TBC1D5: variants seen among roughly 807,000 people sequenced by gnomAD.
The protein encoded by TBC1D5 is TBC1 domain family member 5.
A neutral mutation model predicts 100.3 loss-of-function variants in TBC1D5; 75 were observed. That is an observed-to-expected ratio of 0.75 (90% CI 0.62 to 0.91). The LOEUF (loss-of-function observed/expected upper bound fraction) is 0.91, where lower values mean the gene tolerates loss of function less well. Ranked by LOEUF, TBC1D5 falls within the 40% of genes least tolerant of loss-of-function variation. TBC1D5 has a pLI of 0.00. For missense variants in TBC1D5, 910 were observed against 942.4 expected (o/e 0.97, Z 0.45); for synonymous variants, 323 against 325.6 (o/e 0.99, Z 0.09).
chr3:17,257,061 G>A (rs2077772443), intron 16 of TBC1D5, among the ~76,000 whole-genome samples: 1 of 152,066 alleles, frequency 6.6e-6, no homozygotes, highest in Admixed American at 6.6e-5. Flanking sequence ...AGGGCTTCAG[G>A]AAGAAGACTG....
chr3:17,696,883 T>G (rs1184788135), intron 1 of TBC1D5, among the ~76,000 whole-genome samples: 6 of 152,052 alleles, frequency 3.9e-5, no homozygotes, highest in African/African-American at 4.8e-5. Flanking sequence ...GAATCCAGCA[T>G]CACATCAAAA....
intron 1 of TBC1D5, among the ~76,000 whole-genome samples, chr3:17,693,307 T>C (rs1214129881): frequency 6.6e-6 from 1 of 151,926 alleles, no homozygotes; most frequent in African/African-American, 2.4e-5. Context: ...GTGCAAGGGG[T>C]CAGGGATTTC....
chr3:17,612,629 T>C (rs1577017054), intron 2 of TBC1D5, among the ~76,000 whole-genome samples: 1 of 150,854 alleles, frequency 6.6e-6, no homozygotes, highest in Non-Finnish European at 1.5e-5. Flanking sequence ...ATACTCTATC[T>C]CAAAAAAAAT....
At chr3:17,324,559 G>C (rs1262548187) in intron 13 of TBC1D5, among the ~76,000 whole-genome samples, 1 of 152,074 alleles carries the variant, frequency 6.6e-6, no homozygotes, top group Non-Finnish European at 1.5e-5. Flanking sequence ...CAGAAGAATT[G>C]CTTGAACCCA....
chr3:17,527,840 C>T (rs987273516), intron 2 of TBC1D5, among the ~76,000 whole-genome samples: 6 of 152,096 alleles, frequency 3.9e-5, no homozygotes, highest in African/African-American at 9.7e-5. Flanking sequence ...AACATCTGCA[C>T]AAAATAAGCA....
chr3:17,677,897 C>G (rs2068859022), intron 1 of TBC1D5, among the ~76,000 whole-genome samples: 2 of 151,838 alleles, frequency 1.3e-5, no homozygotes, highest in Non-Finnish European at 2.9e-5. Context: ...ATCACAAGGT[C>G]AAAAAAACCA....
chr3:17,159,412 C>A (rs1013431705), exon 22 of TBC1D5: 4 of 152,202 alleles, frequency 2.6e-5, no homozygotes, highest in African/African-American at 9.7e-5. Flanking sequence ...CTATACTGAG[C>A]TTTCATTTGT....
At chr3:17,389,059 T>C (rs2093267246) in intron 8 of TBC1D5, among the ~76,000 whole-genome samples, 2 of 152,308 alleles carry the variant, frequency 1.3e-5, no homozygotes, top group African/African-American at 2.4e-5. Flanking sequence ...TATTATCTCT[T>C]AAGATTCCTT....
intron 2 of TBC1D5, among the ~76,000 whole-genome samples, chr3:17,570,023 A>T (rs1349542569): frequency 6.6e-6 from 1 of 151,920 alleles, no homozygotes; most frequent in African/African-American, 2.4e-5. Context: ...GGTACTAGAA[A>T]GTCAGAGGTT....
chr3:17,298,064 C>T (rs147969879), intron 14 of TBC1D5, among the ~76,000 whole-genome samples: 130 of 152,286 alleles, frequency 8.5e-4, no homozygotes, highest in African/African-American at 2.7e-3. Flanking sequence ...CTGATTCATA[C>T]ATTTGACTCT....
At chr3:17,467,691 A>G (rs1312161480) in intron 3 of TBC1D5, among the ~76,000 whole-genome samples, 2 of 152,068 alleles carry the variant, frequency 1.3e-5, no homozygotes, top group Non-Finnish European at 2.9e-5. Flanking sequence ...CCTGGCCAAC[A>G]TGGCAAAACC....
At chr3:17,417,049 G>A (rs2094093707) in intron 4 of TBC1D5, among the ~76,000 whole-genome samples, 1 of 152,070 alleles carries the variant, frequency 6.6e-6, no homozygotes, top group Non-Finnish European at 1.5e-5. Flanking sequence ...GGGTAAGAAG[G>A]CAATAGTAGT....
chr3:17,598,500 T>A (rs2060718991), intron 2 of TBC1D5, among the ~76,000 whole-genome samples: 2 of 152,210 alleles, frequency 1.3e-5, no homozygotes, highest in South Asian at 4.1e-4. Context: ...TATTATAACA[T>A]TTGTTTCAGA....
In TBC1D5 at chr3:17,716,979, C is replaced by G. The variant is rs549387969; in HGVS notation, c.-101+22364G>C. 9.7e-4 allele frequency among the ~76,000 whole-genome samples: 147 copies of G among 152,214 alleles called. 2 individuals are homozygous for G. Among genetic ancestry groups the G allele is most frequent in the Non-Finnish European group, 1.7e-3 (113 of 67,990 alleles). ...ATTTGAGGAAAGAGGGACCTGACTT[C>G]AATAACATGGACTTGCTGAGCATAA... On this transcript the variant is annotated intron_variant, in intron 1 of 21. Transcript: ENST00000253692.
intron 1 of TBC1D5, among the ~76,000 whole-genome samples, chr3:17,677,861 C>T (rs2153803140): frequency 6.6e-6 from 1 of 152,236 alleles, no homozygotes; most frequent in Admixed American, 6.5e-5. Context: ...ATGGATGAAG[C>T]TGGAAACCAT....
chr3:17,646,288 C>G (rs1301310362), intron 1 of TBC1D5, among the ~76,000 whole-genome samples: 2 of 152,096 alleles, frequency 1.3e-5, no homozygotes, highest in East Asian at 3.8e-4. Flanking sequence ...GAACCTTTAG[C>G]CTACACTTTG....
rs1322030157 is a variant in TBC1D5, at chr3:17,234,377, A to C, written c.1588+3786T>G. Among the ~76,000 whole-genome samples, 3 of 152,116 alleles carry C rather than the reference A, an allele frequency of 2.0e-5. No individual in the cohort carries two copies. The East Asian group carries it at 5.8e-4, about 29-fold the overall frequency. On this transcript the variant is annotated intron_variant, in intron 17 of 21. Transcript: ENST00000253692. The stretch of plus-strand genomic sequence containing the variant: ...ATTGGACTTATAGTAAGTGCTTAAA[A>C]TAATGACATGTTCAAATTAAAAAAG...
At chr3:17,185,821 G>A (rs946899984) in intron 18 of TBC1D5, among the ~76,000 whole-genome samples, 3 of 151,956 alleles carry the variant, frequency 2.0e-5, no homozygotes, top group Non-Finnish European at 2.9e-5. Context: ...ATAAATTGTT[G>A]CTCCTCTCTC....
At chr3:17,649,906 A>G (rs1201691503) in intron 1 of TBC1D5, among the ~76,000 whole-genome samples, 1 of 152,232 alleles carries the variant, frequency 6.6e-6, no homozygotes, top group African/African-American at 2.4e-5. Context: ...ATGTCCATCA[A>G]TGATAGACTG....
Sources: allele counts gnomAD v4.1 joint callset (sites outside exome capture counted in the v4.1 genomes callset), GRCh38; gene constraint gnomAD v4.1.1; transcripts MANE v1.5; gene names NCBI Gene and HGNC (gene_info 2026-07-23, HGNC 2026-07-21).